DEDD2: variants seen among roughly 807,000 people sequenced by gnomAD.
DEDD2 encodes death effector domain containing 2.
In DEDD2, 18 loss-of-function variants were observed where a neutral mutation model predicts 28.9. The ratio of observed to expected loss-of-function variants is 0.62; its 90% CI spans 0.43 to 0.92. The LOEUF (loss-of-function observed/expected upper bound fraction) is 0.92. Among genes scored for constraint, DEDD2 ranks in the 40% least tolerant of loss-of-function variants. DEDD2 has a pLI of 0.00. For synonymous variants in DEDD2, 211 were observed against 206.1 expected (o/e 1.02, Z -0.20); for missense variants, 411 against 463.3 (o/e 0.89, Z 1.04).
intron 3 of DEDD2, among the ~76,000 whole-genome samples, chr19:42,211,138 T>C (rs1004164239): frequency 3.3e-5 from 5 of 151,412 alleles, no homozygotes; most frequent in Non-Finnish European, 7.4e-5. Context: ...TTGTGGTTCA[T>C]GTCTGTAATC....
At chr19:42,212,712 G>A (rs911409096) in intron 3 of DEDD2, among the ~76,000 whole-genome samples, 1 of 151,962 alleles carries the variant, frequency 6.6e-6, no homozygotes, top group Non-Finnish European at 1.5e-5. Flanking sequence ...CAGTCCACCC[G>A]CCTTAGCCTC....
intron 3 of DEDD2, among the ~76,000 whole-genome samples, chr19:42,211,733 T>A (rs1234159387): frequency 6.6e-6 from 1 of 152,108 alleles, no homozygotes; most frequent in Admixed American, 6.6e-5. Flanking sequence ...GGAAAGACTT[T>A]TAGTATAAAA....
intron 2 of DEDD2, among the ~76,000 whole-genome samples, chr19:42,215,584 G>A (rs944838434): frequency 2.0e-5 from 3 of 152,168 alleles, no homozygotes; most frequent in African/African-American, 7.2e-5. Flanking sequence ...CTCTGTGCAG[G>A]CTCCCCAAAT....
intron 3 of DEDD2, among the ~76,000 whole-genome samples, chr19:42,210,793 C>T (rs943803753): frequency 2.0e-5 from 3 of 151,734 alleles, no homozygotes; most frequent in Non-Finnish European, 4.4e-5. Context: ...AGGCCGCACA[C>T]GGTGTGGCTC....
chr19:42,210,470 T>C (rs945062480), intron 3 of DEDD2, among the ~76,000 whole-genome samples: 1 of 152,064 alleles, frequency 6.6e-6, no homozygotes, highest in Non-Finnish European at 1.5e-5. Flanking sequence ...CTTGGCTCAC[T>C]GCAATCTCCG....
Position 42,199,248 on chromosome 19 carries a change from T to C in DEDD2, c.*190A>G, listed in dbSNP as rs2035224772. 2 of 892,544 alleles carry C rather than the reference T, an allele frequency of 2.2e-6. No individual in the cohort carries two copies. Among genetic ancestry groups the C allele is most frequent in the South Asian group, 1.9e-5 (1 of 51,678 alleles). 55.3% of individuals were successfully genotyped at this position (892,544 alleles called of 1,614,324 possible). ...GGTAGGAGGAGTCTGGGAAGGAAAC[T>C]CAGCTGGAAATGGTTTAGGCCTCAG... On this transcript the variant is annotated 3_prime_UTR_variant, in exon 5 of 5. Transcript: ENST00000596251. This position sits in a 1 kb window ranked among gnomAD's most constrained non-coding sequence, Gnocchi z 7.4.
intron 4 of DEDD2, 111 bp downstream of exon 4, chr19:42,209,589 G>T: frequency 7.0e-7 from 1 of 1,425,546 alleles, no homozygotes; most frequent in South Asian, 1.4e-5. Flanking sequence ...AACGAGAGCT[G>T]ACACCCATCT....
At chr19:42,214,831 A>G (rs2035899868) in intron 3 of DEDD2, among the ~76,000 whole-genome samples, 1 of 152,210 alleles carries the variant, frequency 6.6e-6, no homozygotes, top group South Asian at 2.1e-4. Flanking sequence ...GGGGCATGGC[A>G]ATTAAAATAA....
upstream of DEDD2, among the ~76,000 whole-genome samples, chr19:42,218,675 C>T (rs2036069776): frequency 6.6e-6 from 1 of 152,208 alleles, no homozygotes; most frequent in Admixed American, 6.5e-5. Context: ...TCTTGGGAGT[C>T]GGGAGATCTG....
chr19:42,216,274 A>C (rs555950812), intron 2 of DEDD2, among the ~76,000 whole-genome samples: 95 of 152,344 alleles, frequency 6.2e-4, no homozygotes, highest in Middle Eastern at 6.8e-3. Flanking sequence ...ATCATCCTGT[A>C]TCCCTCCTAG....
chr19:42,216,283 A>G (rs2035962898), intron 2 of DEDD2, among the ~76,000 whole-genome samples: 1 of 152,202 alleles, frequency 6.6e-6, no homozygotes, highest in Admixed American at 6.5e-5. Flanking sequence ...TATCCCTCCT[A>G]GGCCCAGCAA....
At chr19:42,211,427 C>T (rs1184686967) in intron 3 of DEDD2, among the ~76,000 whole-genome samples, 1 of 57,716 alleles carries the variant, frequency 1.7e-5, no homozygotes, top group African/African-American at 6.3e-5. Flanking sequence ...GAGAGAGGGA[C>T]GGAGGGAGGG....
chr19:42,199,896 C>T lies in DEDD2; in HGVS notation c.590-67G>A. On this transcript the variant is annotated intron_variant, in intron 4 of 4. Transcript: ENST00000596251. This position sits in a 1 kb window ranked among gnomAD's most constrained non-coding sequence, Gnocchi z 7.4. ...TAGACACACTTATGGGGAACGCCACCCTTCCTCCCTCCAGCCTTCTCCCTC... is the reference window on the plus strand; with the variant it reads ...TAGACACACTTATGGGGAACGCCACTCTTCCTCCCTCCAGCCTTCTCCCTC... The T allele has an allele frequency of 5.4e-6, 8 of 1,491,984 alleles. No homozygotes were observed. The highest frequency in any genetic ancestry group is 7.2e-6 in the Non-Finnish European group (8 of 1,115,256). 92.4% of individuals were successfully genotyped at this position (1,491,984 alleles called of 1,614,324 possible).
chr19:42,216,308 A>T (rs2035964603), intron 2 of DEDD2, among the ~76,000 whole-genome samples: 1 of 152,230 alleles, frequency 6.6e-6, no homozygotes. Flanking sequence ...GATTGTTATT[A>T]TACGTGCAAA....
At chr19:42,216,301 T>G (rs903106245) in intron 2 of DEDD2, among the ~76,000 whole-genome samples, 8 of 152,222 alleles carry the variant, frequency 5.3e-5, no homozygotes, top group African/African-American at 1.9e-4. Flanking sequence ...CAAACAGGAT[T>G]GTTATTATAC....
At chr19:42,203,168 C>A (rs954991222) in intron 4 of DEDD2, among the ~76,000 whole-genome samples, 1 of 152,156 alleles carries the variant, frequency 6.6e-6, no homozygotes, top group South Asian at 2.1e-4. Context: ...GCTCCAGTGC[C>A]CGAGCTCTTA....
intron 4 of DEDD2, among the ~76,000 whole-genome samples, chr19:42,201,171 C>T (rs1388156263): frequency 6.6e-6 from 1 of 152,244 alleles, no homozygotes; most frequent in East Asian, 1.9e-4. Context: ...AGTGAAGTGA[C>T]TTGCCCAAGG....
intron 4 of DEDD2, among the ~76,000 whole-genome samples, chr19:42,208,444 C>T (rs951482765): frequency 3.9e-5 from 6 of 152,212 alleles, no homozygotes; most frequent in Admixed American, 3.3e-4. Context: ...TAACACATGC[C>T]TAGCAGAGCA....
rs111493890 is a variant in DEDD2 at position 42,211,243 on chromosome 19, G to C, written c.449-1403C>G. Among the ~76,000 whole-genome samples, 382 of 152,050 alleles carry C rather than the reference G, an allele frequency of 2.5e-3. 6 individuals are homozygous for C. Among genetic ancestry groups the C allele is most frequent in the African/African-American group, 8.7e-3 (360 of 41,458 alleles). ...AAATAAAATGTAAAAAAATTAGCCG[G>C]GTGTGGTAGCACGTGCCTGTAGTCC... On this transcript the variant is annotated intron_variant, in intron 3 of 4. Transcript: ENST00000596251.
Sources: gnomAD v4.1 joint callset for allele counts (sites outside exome capture counted in the v4.1 genomes callset) on GRCh38, gnomAD v4.1.1 for gene constraint, Gnocchi (gnomAD v3.1) non-coding constraint, MANE v1.5 for transcripts, NCBI Gene and HGNC (gene_info 2026-07-23, HGNC 2026-07-21) for gene names.